Variants in IQGAP2 observed in about 807,000 individuals in gnomAD.
IQGAP2 encodes the protein IQ motif containing GTPase activating protein 2.
Under a neutral mutation model 201.3 loss-of-function variants are expected in IQGAP2, and 173 were observed. The ratio of observed to expected loss-of-function variants is 0.86; its 90% CI spans 0.76 to 0.98. The LOEUF (loss-of-function observed/expected upper bound fraction) is 0.98. IQGAP2 is among the 50% of genes least tolerant of loss of function. The pLI, the probability that IQGAP2 is intolerant of heterozygous loss-of-function variation, is 0.00. For synonymous variants in IQGAP2, 675 were observed against 673.9 expected, an observed-to-expected ratio of 1.00 and a Z score of -0.03; for missense variants, 1,687 against 1,864.8, an observed-to-expected ratio of 0.90 and a Z score of 1.76.
chr5:76,606,530 C>T (rs55689909), intron 12 of IQGAP2: 71,494 of 284,550 alleles, frequency 0.25, 9,770 homozygotes, highest in South Asian at 0.47. Flanking sequence ...TAATAAAATA[C>T]ACAAGTAAAA....
chr5:76,693,308 A>C (rs1746438214), intron 30 of IQGAP2, 47 bp from the exon 31 acceptor site: 1 of 1,323,670 alleles, frequency 7.6e-7, no homozygotes, highest in African/African-American at 1.5e-5. Context: ...ATTTTTGTGC[A>C]TAAGGACTAC....
At chr5:76,693,903 G>A (rs181516486) in intron 31 of IQGAP2, 6 of 152,824 alleles carry the variant, frequency 3.9e-5, no homozygotes, top group Admixed American at 3.3e-4. Flanking sequence ...TTATGTTAGC[G>A]TAAGTGAGGT....
chr5:76,562,450 A>G lies in IQGAP2; in HGVS notation c.201A>G (p.Glu67=), dbSNP rs1368452500. The change falls in exon 3 of 36, where the codon GAA becomes GAG. Residue 67 remains glutamate, a synonymous_variant. Transcript: ENST00000274364. ...TGCCACCAACCACTGAATTGGAAGA[A>G]GGGCTCCGGAATGGAGTTTACCTTG... ...EELPPTTELE[E]GLRNGVYLAK... is the part of the protein sequence containing the mutation. 3 of 1,613,962 alleles carry G rather than the reference A, an allele frequency of 1.9e-6. No individual in the cohort carries two copies. The highest frequency in any genetic ancestry group is 1.3e-5 in the African/African-American group (1 of 75,030).
intron 6 of IQGAP2, 67 bp downstream of exon 6, chr5:76,589,040 G>T (rs369998062): frequency 4.5e-6 from 5 of 1,117,690 alleles, no homozygotes; most frequent in East Asian, 5.1e-5. Flanking sequence ...CTGGCCGGGC[G>T]TGGTGGCTCA....
Position 76,589,678 on chromosome 5 carries a change from G to A in IQGAP2, c.590G>A (p.Ser197Asn). 2 of 1,609,558 alleles carry A rather than the reference G, an allele frequency of 1.2e-6. No homozygotes were observed. The highest frequency in any genetic ancestry group is 8.5e-7 in the Non-Finnish European group (1 of 1,177,882). Residue 197 changes from serine (S) to asparagine (N), a missense_variant, in exon 7 of 36, where the codon AGC (serine) becomes AAC (asparagine). Ser to Asn is a conservative substitution (Grantham distance 46). Coordinates refer to ENST00000274364, the MANE Select transcript of IQGAP2 (RefSeq NM_006633.5). ...EKYGIQMPSF[S>N]KIGGILANEL... ...TATGGAATACAGATGCCATCTTTCAGCAAAATAGGTGGTATTCTGGCCAAT... is the reference window on the plus strand; with the variant it reads ...TATGGAATACAGATGCCATCTTTCAACAAAATAGGTGGTATTCTGGCCAAT...
chr5:76,424,758 G>A (rs139933857), intron 1 of IQGAP2, among the ~76,000 whole-genome samples: 1 of 152,206 alleles, frequency 6.6e-6, no homozygotes, highest in Non-Finnish European at 1.5e-5. Flanking sequence ...GCTGGGCTCT[G>A]GCTCTGTCAT....
chr5:76,515,872 CTTT>C (rs71604295), intron 2 of IQGAP2, among the ~76,000 whole-genome samples: 3 of 102,722 alleles, frequency 2.9e-5, no homozygotes, highest in African/African-American at 3.9e-5. Flanking sequence ...AGGGGGTGAT[CTTT>C]TTTTTTTTTT....
chr5:76,671,920 C>G lies in IQGAP2; in HGVS notation c.3005C>G (p.Thr1002Arg). Residue 1002 changes from threonine (T) to arginine (R), a missense_variant, in exon 24 of 36, where the codon ACA (threonine) becomes AGA (arginine). Thr to Arg is a moderately conservative substitution (Grantham distance 71). Transcript: ENST00000274364. ...IIDDKSLIIN[T>R]NPVEVYKAWV... ...GACGACAAGTCGCTGATTATCAACA[C>G]AAACCCTGTAGAGGTGTACAAGGCT... is the stretch of plus-strand genomic sequence containing the variant. The G allele has an allele frequency of 6.2e-7, 1 of 1,614,148 alleles. No homozygotes were observed.
At chr5:76,693,704 C>G (rs1580838133) in intron 31 of IQGAP2, 1 of 296,526 alleles carries the variant, frequency 3.4e-6, no homozygotes, top group South Asian at 6.8e-5. Flanking sequence ...CTGGGTTTTT[C>G]AAAGCCCGGA....
chr5:76,567,054 G>A (rs750742069), intron 3 of IQGAP2, among the ~76,000 whole-genome samples: 2 of 152,124 alleles, frequency 1.3e-5, no homozygotes, highest in African/African-American at 4.8e-5. Context: ...ATAATTGTAG[G>A]TTTATAATAA....
At position 76,677,119 on chromosome 5, in the gene IQGAP2, C is replaced by T. The variant is rs1744885741; in HGVS notation, c.3528-99C>T. 5.8e-6 allele frequency: 7 copies of T among 1,205,940 alleles called. No homozygotes were observed. In the South Asian group the frequency reaches 6.0e-5, roughly 10 times the overall value. 74.7% of individuals were successfully genotyped at this position (1,205,940 alleles called of 1,614,324 possible). ...GTCCTCTCAAGGTTTGAGATGGGAA[C>T]AAAGTACATGTCATCATTCAAAATT... On this transcript the variant is annotated intron_variant, in intron 27 of 35. Transcript: ENST00000274364.
Position 76,707,299 on chromosome 5 carries a change from T to G in IQGAP2, c.4714T>G (p.Phe1572Val), listed in dbSNP as rs1169027538. ...TCTCATATACCTGCTGAACAAGAAGTTCTATGGAAAGTGAAGTGCCTACAG... is the reference window on the plus strand; with the variant it reads ...TCTCATATACCTGCTGAACAAGAAGGTCTATGGAAAGTGAAGTGCCTACAG... ...NLLIYLLNKK[F>V]YGK The change falls in exon 36 of 36, where the codon TTC (phenylalanine) becomes GTC (valine). Residue 1572 changes from phenylalanine to valine, a missense_variant. Transcript: ENST00000274364. 2.0e-6 allele frequency: 3 copies of G among 1,508,866 alleles called. No individual in the cohort carries two copies. The highest frequency in any genetic ancestry group is 2.8e-6 in the Non-Finnish European group (3 of 1,085,336). The allele number at this position is 1,508,866 out of a possible 1,614,324, so 93.5% of individuals were successfully genotyped here.
At chr5:76,635,330 C>A (rs1479897807) in intron 15 of IQGAP2, among the ~76,000 whole-genome samples, 1 of 152,176 alleles carries the variant, frequency 6.6e-6, no homozygotes, top group Non-Finnish European at 1.5e-5. Context: ...GAGCTTTAGA[C>A]TCATTGCCTT....
intron 1 of IQGAP2, among the ~76,000 whole-genome samples, chr5:76,407,673 C>T (rs533017726): frequency 7.2e-5 from 11 of 152,338 alleles, no homozygotes; most frequent in South Asian, 6.2e-4. Context: ...TTTAATTACA[C>T]ATGCTGTTAG....
chr5:76,618,513 G>A (rs1749245129), intron 13 of IQGAP2: 12 of 1,614,170 alleles, frequency 7.4e-6, no homozygotes, highest in Non-Finnish European at 9.3e-6. Flanking sequence ...AATTTTTACA[G>A]TAATCGTGGC....
chr5:76,461,120 C>T (rs942626769), intron 1 of IQGAP2, among the ~76,000 whole-genome samples: 2 of 151,884 alleles, frequency 1.3e-5, no homozygotes, highest in East Asian at 1.9e-4. Flanking sequence ...CCTTGTGATC[C>T]GCCCACCTCA....
At chr5:76,567,406 G>A (rs926669311) in intron 3 of IQGAP2, among the ~76,000 whole-genome samples, 8 of 152,186 alleles carry the variant, frequency 5.3e-5, no homozygotes, top group Non-Finnish European at 8.8e-5. Flanking sequence ...AACTCGAAAC[G>A]CTTCTAATGC....
intron 7 of IQGAP2, 115 bp downstream of exon 7, chr5:76,589,843 G>C (rs557322735): frequency 4.5e-5 from 23 of 508,646 alleles, no homozygotes; most frequent in African/African-American, 4.2e-4. Context: ...CACCCTAAAA[G>C]TTTTTATTAT....
chr5:76,496,779 T>TTC (rs796878927), intron 2 of IQGAP2, among the ~76,000 whole-genome samples: 1,115 of 97,568 alleles, frequency 0.011, 57 homozygotes, highest in African/African-American at 0.055. Context: ...CTTTCTTTCT[T>TTC]TCTTTCTTTC....
Sources: allele counts gnomAD v4.1 joint callset (sites outside exome capture counted in the v4.1 genomes callset), GRCh38; gene constraint gnomAD v4.1.1; transcripts MANE v1.5; gene names NCBI Gene and HGNC (gene_info 2026-07-23, HGNC 2026-07-21).